The following FSHR variants were observed in gnomAD, a reference collection of about 807,000 sequenced individuals.
FSHR encodes follicle-stimulating hormone receptor.
FSHR carries 46 observed loss-of-function variants against 52.1 expected under a neutral mutation model. The ratio of observed to expected loss-of-function variants is 0.88; its 90% CI spans 0.70 to 1.13. The LOEUF (loss-of-function observed/expected upper bound fraction) is 1.13, where lower values mean the gene tolerates loss of function less well. FSHR is among the 50% of genes most tolerant of loss of function. The pLI, the probability that FSHR is intolerant of heterozygous loss-of-function variation, is 0.00. For missense variants in FSHR, 964 were observed against 834.6 expected (o/e 1.16, Z -1.91); for synonymous variants, 399 against 309.6 (o/e 1.29, Z -3.03).
In FSHR at chr2:48,963,789, C is replaced by A; in HGVS notation, c.1032G>T (p.Val344=). The change falls in exon 10 of 10, where the codon GTG becomes GTT. Residue 344 remains valine (V), a synonymous_variant. Transcript: ENST00000406846. ...ATGCATCTGGCTTAGGGGAGCAGGT[C>A]ACGTCAACCACTTCATTGCATAAGT... The part of the protein sequence containing the change: ...DYDLCNEVVD[V]TCSPKPDAFN... 6.2e-7 allele frequency: 1 copy of A among 1,614,104 alleles called. No individual in the cohort carries two copies. The highest frequency in any genetic ancestry group is 8.5e-7 in the Non-Finnish European group (1 of 1,179,998).
At chr2:48,994,748 CA>C (rs796464836) in intron 4 of FSHR, among the ~76,000 whole-genome samples, 1 of 152,050 alleles carries the variant, frequency 6.6e-6, no homozygotes, top group Non-Finnish European at 1.5e-5. Context: ...GGTTTATCTT[CA>C]AAAAACAGTT....
intron 2 of FSHR, among the ~76,000 whole-genome samples, chr2:49,025,065 G>A (rs1490222977): frequency 2.0e-5 from 3 of 152,158 alleles, no homozygotes; most frequent in Non-Finnish European, 4.4e-5. Flanking sequence ...GATTATAAAA[G>A]ATTTTCCACC....
chr2:49,100,262 C>T (rs1195069117), intron 1 of FSHR, among the ~76,000 whole-genome samples: 2 of 152,082 alleles, frequency 1.3e-5, no homozygotes, highest in Admixed American at 6.6e-5. Flanking sequence ...CATCCATGCT[C>T]TTGGCATTTT....
In FSHR at chr2:49,083,485, C is replaced by T. The variant is rs1326654529; in HGVS notation, c.153-15195G>A. Among the ~76,000 whole-genome samples, 4 of 146,024 alleles carry T rather than the reference C, an allele frequency of 2.7e-5. No individual in the cohort carries two copies. In the East Asian group the frequency reaches 8.1e-4, roughly 30 times the overall value. On this transcript the variant is annotated intron_variant, in intron 1 of 9. Transcript: ENST00000406846. The stretch of plus-strand genomic sequence containing the variant: ...CATCATAATGACAGGATCAAATTCA[C>T]ACATAACAATATTAACTTTAAATGT...
chr2:48,971,853 C>T (rs1456454425), intron 8 of FSHR, among the ~76,000 whole-genome samples: 2 of 152,156 alleles, frequency 1.3e-5, no homozygotes, highest in Admixed American at 1.3e-4. Context: ...TCCTAGCTCG[C>T]TGAAAGTTTC....
intron 1 of FSHR, among the ~76,000 whole-genome samples, chr2:49,126,841 G>A (rs1245967154): frequency 6.6e-6 from 1 of 152,214 alleles, no homozygotes; most frequent in Non-Finnish European, 1.5e-5. Flanking sequence ...GATAGAATGT[G>A]AAAGTTACAG....
rs548903007 is a variant in FSHR, at chr2:48,973,763, T to C, written c.669-4880A>G. Among the ~76,000 whole-genome samples the C allele has an allele frequency of 1.6e-4, 25 of 152,304 alleles. 2 individuals are homozygous for C. In the South Asian group the frequency reaches 4.6e-3, roughly 28 times the overall value. On this transcript the variant is annotated intron_variant, in intron 8 of 9. Coordinates refer to ENST00000406846, the MANE Select transcript of FSHR (RefSeq NM_000145.4). ...TAGAAGATATACTGGGGAGTGACAT[T>C]GGAGAAGGATTAGGAAAGGAAATAG...
At chr2:49,124,716 C>T (rs1671940490) in intron 1 of FSHR, among the ~76,000 whole-genome samples, 1 of 152,162 alleles carries the variant, frequency 6.6e-6, no homozygotes, top group Non-Finnish European at 1.5e-5. Context: ...TGTATGTGAT[C>T]CATCAACTCC....
chr2:48,991,345 G>C (rs776845865), intron 4 of FSHR, among the ~76,000 whole-genome samples: 11 of 152,242 alleles, frequency 7.2e-5, no homozygotes, highest in Middle Eastern at 3.4e-3. Context: ...AGGAGGTGAA[G>C]CTAAGCAATA....
intron 8 of FSHR, among the ~76,000 whole-genome samples, chr2:48,969,787 G>C (rs948716659): frequency 4.6e-5 from 7 of 152,238 alleles, no homozygotes; most frequent in African/African-American, 1.7e-4. Flanking sequence ...TGGGCTGCAA[G>C]TTCCATCCTT....
At chr2:49,090,693 G>T (rs990418506) in intron 1 of FSHR, among the ~76,000 whole-genome samples, 14 of 152,280 alleles carry the variant, frequency 9.2e-5, no homozygotes, top group African/African-American at 3.4e-4. Flanking sequence ...TTGCTAAGTT[G>T]TTTTCCAGAG....
chr2:49,141,150 G>A (rs552866940), intron 1 of FSHR, among the ~76,000 whole-genome samples: 48 of 152,276 alleles, frequency 3.2e-4, no homozygotes, highest in Admixed American at 1.0e-3. Context: ...AATTGTCATC[G>A]CATTTACTTT....
intron 1 of FSHR, among the ~76,000 whole-genome samples, chr2:49,116,880 C>G (rs562030196): frequency 6.6e-6 from 1 of 152,040 alleles, no homozygotes. Flanking sequence ...GAAGGCAAAA[C>G]GAAAATAAAG....
At chr2:49,090,021 C>G (rs1347430908) in intron 1 of FSHR, among the ~76,000 whole-genome samples, 1 of 152,178 alleles carries the variant, frequency 6.6e-6, no homozygotes, top group African/African-American at 2.4e-5. Context: ...CTATCATGTA[C>G]AGGCATTTTC....
intron 1 of FSHR, among the ~76,000 whole-genome samples, chr2:49,089,671 C>G (rs1670528956): frequency 6.6e-6 from 1 of 152,174 alleles, no homozygotes; most frequent in Non-Finnish European, 1.5e-5. Flanking sequence ...TCTCCAATTT[C>G]TGGAAAACAG....
intron 2 of FSHR, among the ~76,000 whole-genome samples, chr2:49,043,287 G>T (rs567223928): frequency 6.7e-6 from 1 of 149,888 alleles, no homozygotes; most frequent in South Asian, 2.1e-4. Flanking sequence ...ACTGGGGTGG[G>T]CAGGGTAGGG....
chr2:49,084,531 T>C (rs1051392388), intron 1 of FSHR, among the ~76,000 whole-genome samples: 19 of 151,962 alleles, frequency 1.3e-4, no homozygotes, highest in African/African-American at 4.4e-4. Context: ...CAAAAAAACC[T>C]TTCAAAAAAT....
chr2:48,986,724 T>C (rs1307110242), intron 6 of FSHR, among the ~76,000 whole-genome samples: 1 of 152,194 alleles, frequency 6.6e-6, no homozygotes, highest in African/African-American at 2.4e-5. Flanking sequence ...TATGTTTCCC[T>C]TGTAGCTTTG....
chr2:49,142,984 G>C (rs1415586137), intron 1 of FSHR, among the ~76,000 whole-genome samples: 1 of 152,166 alleles, frequency 6.6e-6, no homozygotes, highest in African/African-American at 2.4e-5. Flanking sequence ...GCTTGTAAAA[G>C]TCAAGTGGAG....
Sources: gnomAD v4.1 joint callset for allele counts (sites outside exome capture counted in the v4.1 genomes callset) on GRCh38, gnomAD v4.1.1 for gene constraint, MANE v1.5 for transcripts, NCBI Gene and HGNC (gene_info 2026-07-23, HGNC 2026-07-21) for gene names.